DIAPH3: variants seen among roughly 807,000 people sequenced by gnomAD.
DIAPH3 encodes diaphanous related formin 3, also known as protein diaphanous homolog 3.
In DIAPH3, 117 loss-of-function variants were observed where a neutral mutation model predicts 144.3. That is an observed-to-expected ratio of 0.81 (90% CI 0.70 to 0.95). DIAPH3 has a LOEUF of 0.95. Ranked by LOEUF, DIAPH3 falls within the 40% of genes least tolerant of loss-of-function variation. The pLI, the probability that DIAPH3 is intolerant of heterozygous loss-of-function variation, is 0.00. For synonymous variants in DIAPH3, 519 were observed against 488.9 expected, an observed-to-expected ratio of 1.06 and a Z score of -0.81; for missense variants, 1,421 against 1,412.7, an observed-to-expected ratio of 1.01 and a Z score of -0.09.
intron 3 of DIAPH3, among the ~76,000 whole-genome samples, chr13:60,109,238 T>C (rs2058501003): frequency 6.6e-6 from 1 of 152,102 alleles, no homozygotes; most frequent in Non-Finnish European, 1.5e-5. Flanking sequence ...TTTCACACGG[T>C]GTGTGACTGC....
intron 22 of DIAPH3, among the ~76,000 whole-genome samples, chr13:59,846,219 G>A (rs2042623175): frequency 7.0e-6 from 1 of 142,956 alleles, no homozygotes; most frequent in Non-Finnish European, 1.5e-5. Context: ...GAAAGGAGAG[G>A]TTACATAATC....
At chr13:60,160,015 G>C (rs1164883241) in intron 1 of DIAPH3, among the ~76,000 whole-genome samples, 1 of 152,186 alleles carries the variant, frequency 6.6e-6, no homozygotes, top group East Asian at 1.9e-4. Flanking sequence ...CACGAGGTCA[G>C]GAGTTCGAGA....
At chr13:59,730,893 A>G (rs1566233503) in intron 27 of DIAPH3, among the ~76,000 whole-genome samples, 2 of 152,150 alleles carry the variant, frequency 1.3e-5, no homozygotes, top group African/African-American at 2.4e-5. Context: ...AGATGGTATT[A>G]TTGCTGTCAG....
In DIAPH3 at chr13:59,938,752, T is replaced by C. The variant is rs192904227; in HGVS notation, c.2075-13882A>G. Among the ~76,000 whole-genome samples, 896 of 152,318 alleles carry C rather than the reference T, an allele frequency of 5.9e-3. 6 individuals carry two copies. The highest frequency in any genetic ancestry group is 0.01 in the Non-Finnish European group (714 of 68,032). On this transcript the variant is annotated intron_variant, in intron 17 of 27. Transcript: ENST00000400324. ...GTTAAAGGAAGACTAGCAGGATTCA[T>C]TTTATATTGTGATTAGAAAATGATA...
intron 9 of DIAPH3, among the ~76,000 whole-genome samples, chr13:59,994,466 G>A (rs865839597): frequency 2.1e-4 from 32 of 152,006 alleles, no homozygotes; most frequent in African/African-American, 7.5e-4. Context: ...TCAACGCCTA[G>A]AGATATCGAG....
At chr13:60,006,797 G>A (rs1307637016) in intron 9 of DIAPH3, among the ~76,000 whole-genome samples, 1 of 152,066 alleles carries the variant, frequency 6.6e-6, no homozygotes, top group Non-Finnish European at 1.5e-5. Context: ...AATGGGCAAG[G>A]TCGATGTCAC....
At chr13:60,122,018 T>C (rs1391099796) in intron 2 of DIAPH3, among the ~76,000 whole-genome samples, 2 of 151,984 alleles carry the variant, frequency 1.3e-5, no homozygotes, top group African/African-American at 2.4e-5. Flanking sequence ...TACCCCAACA[T>C]CATTCAACCA....
chr13:60,105,106 A>AAAAAACAG (rs2058380738), intron 3 of DIAPH3, among the ~76,000 whole-genome samples: 1 of 123,292 alleles, frequency 8.1e-6, no homozygotes, highest in Admixed American at 8.4e-5. Context: ...TCTCAAAAAA[A>AAAAAACAG]AAAAAAAAAA....
chr13:59,694,329 T>C (rs2033683844), intron 27 of DIAPH3, among the ~76,000 whole-genome samples: 1 of 152,140 alleles, frequency 6.6e-6, no homozygotes, highest in African/African-American at 2.4e-5. Flanking sequence ...TGTATGAGGT[T>C]GATACACTGA....
At chr13:59,947,677 G>T (rs1416260068) in intron 17 of DIAPH3, among the ~76,000 whole-genome samples, 1 of 151,604 alleles carries the variant, frequency 6.6e-6, no homozygotes, top group Non-Finnish European at 1.5e-5. Context: ...AGGATGCAGT[G>T]AACTGAGATC....
chr13:60,063,488 T>C (rs1340799121), intron 4 of DIAPH3, among the ~76,000 whole-genome samples: 1 of 152,206 alleles, frequency 6.6e-6, no homozygotes, highest in Non-Finnish European at 1.5e-5. Flanking sequence ...TGGTGAATCC[T>C]ATCCAGAAGG....
intron 25 of DIAPH3, 79 bp downstream of exon 25, chr13:59,810,709 G>A: frequency 6.8e-7 from 1 of 1,481,340 alleles, no homozygotes; most frequent in Non-Finnish European, 9.2e-7. Flanking sequence ...TTTTCACTAA[G>A]TTCATTAATA....
At chr13:59,772,106 C>T (rs561092072) in intron 27 of DIAPH3, among the ~76,000 whole-genome samples, 1 of 151,850 alleles carries the variant, frequency 6.6e-6, no homozygotes, top group South Asian at 2.1e-4. Context: ...ATAGTTCAGT[C>T]GTAGGGTTAG....
intron 21 of DIAPH3, 148 bp downstream of exon 21, chr13:59,879,081 A>C (rs1003394137): frequency 1.8e-6 from 2 of 1,083,360 alleles, no homozygotes; most frequent in Non-Finnish European, 2.6e-6. Flanking sequence ...AAATTAGCTC[A>C]GTTCACTCTG....
chr13:60,075,576 T>C (rs2057352444), intron 4 of DIAPH3, among the ~76,000 whole-genome samples: 1 of 152,192 alleles, frequency 6.6e-6, no homozygotes, highest in Non-Finnish European at 1.5e-5. Flanking sequence ...AAAGTAAGTT[T>C]TTCTTTCTCA....
chr13:59,899,005 C>G (rs960039486), intron 20 of DIAPH3, among the ~76,000 whole-genome samples: 1 of 152,176 alleles, frequency 6.6e-6, no homozygotes, highest in African/African-American at 2.4e-5. Context: ...ACTTAAGTCT[C>G]CTGGCCTCCA....
At chr13:59,713,321 T>G (rs1229029038) in intron 27 of DIAPH3, among the ~76,000 whole-genome samples, 2 of 151,770 alleles carry the variant, frequency 1.3e-5, no homozygotes, top group African/African-American at 4.8e-5. Context: ...GCCTCTGGAG[T>G]AGCTGGGACT....
intron 24 of DIAPH3, among the ~76,000 whole-genome samples, chr13:59,826,129 G>A (rs2041400701): frequency 6.6e-6 from 1 of 151,970 alleles, no homozygotes; most frequent in African/African-American, 2.4e-5. Flanking sequence ...ACAAGACAGG[G>A]ATGCCCTCTC....
chr13:59,806,302 T>C (rs1454423690), intron 25 of DIAPH3, among the ~76,000 whole-genome samples: 1 of 152,004 alleles, frequency 6.6e-6, no homozygotes, highest in Non-Finnish European at 1.5e-5. Flanking sequence ...AGTACCATGT[T>C]CTGTACTAAA....
Sources: allele counts gnomAD v4.1 joint callset (sites outside exome capture counted in the v4.1 genomes callset), GRCh38; gene constraint gnomAD v4.1.1; transcripts MANE v1.5; gene names NCBI Gene and HGNC (gene_info 2026-07-23, HGNC 2026-07-21).